NRXN3: variants seen among roughly 807,000 people sequenced by gnomAD.
The protein encoded by NRXN3 is neurexin III.
Under a neutral mutation model 137.6 loss-of-function variants are expected in NRXN3, and 32 were observed. That is an observed-to-expected ratio of 0.23 (90% confidence interval 0.18 to 0.31). The LOEUF is 0.31. Ranked by LOEUF, NRXN3 falls within the 10% of genes least tolerant of loss-of-function variation. NRXN3 has a pLI of 1.00. For synonymous variants in NRXN3, 798 were observed against 784.5 expected (o/e 1.02, Z -0.29); for missense variants, 1,574 against 2,062.5 (o/e 0.76, Z 4.59).
At chr14:79,327,394 C>A (rs1198216712) in intron 15 of NRXN3, among the ~76,000 whole-genome samples, 2 of 152,170 alleles carry the variant, frequency 1.3e-5, no homozygotes, top group Non-Finnish European at 2.9e-5. Context: ...GACACCCTAG[C>A]TCCCTTTTAA....
chr14:78,488,635 G>C (rs1472641091), intron 4 of NRXN3, among the ~76,000 whole-genome samples: 1 of 152,002 alleles, frequency 6.6e-6, no homozygotes, highest in East Asian at 1.9e-4. Flanking sequence ...AAAGAATCAA[G>C]TGTTGAGGGA....
At chr14:79,680,781 T>A (rs2098666283) in intron 17 of NRXN3, among the ~76,000 whole-genome samples, 1 of 152,166 alleles carries the variant, frequency 6.6e-6, no homozygotes, top group Non-Finnish European at 1.5e-5. Context: ...CCAGCAAGTC[T>A]TACTAGTAAA....
intron 8 of NRXN3, among the ~76,000 whole-genome samples, chr14:78,763,473 T>C (rs2098699343): frequency 6.6e-6 from 1 of 151,424 alleles, no homozygotes; most frequent in South Asian, 2.1e-4. Flanking sequence ...ATACTATATA[T>C]AATTATAAAT....
At chr14:79,573,373 G>T (rs574827037) in intron 16 of NRXN3, among the ~76,000 whole-genome samples, 1 of 152,250 alleles carries the variant, frequency 6.6e-6, no homozygotes, top group East Asian at 1.9e-4. Flanking sequence ...GGGAGAGTAC[G>T]CAGCTCTTCT....
At chr14:78,604,340 C>T (rs1332078890) in intron 4 of NRXN3, among the ~76,000 whole-genome samples, 1 of 150,550 alleles carries the variant, frequency 6.6e-6, no homozygotes, top group African/African-American at 2.5e-5. Context: ...CGTTTATTCA[C>T]TCACTTATTT....
At chr14:79,432,203 A>C (rs1476810217) in intron 15 of NRXN3, among the ~76,000 whole-genome samples, 2 of 152,134 alleles carry the variant, frequency 1.3e-5, no homozygotes. Context: ...GGATTATGAC[A>C]TCCTAAAATT....
At position 78,714,750 on chromosome 14, in the gene NRXN3, C is replaced by A; in HGVS notation, c.1661-6C>A. The A allele has an allele frequency of 1.2e-6, 2 of 1,610,790 alleles. No individual in the cohort carries two copies. The highest frequency in any genetic ancestry group is 2.2e-5 in the East Asian group (1 of 44,770). On this transcript the variant is annotated splice_polypyrimidine_tract_variant and splice_region_variant and intron_variant, in intron 7 of 20. Transcript: ENST00000335750. ...GACTCACCTGAGATCTGTCTTCCCA[C>A]CCCAGGTACTATATCAGTGAACAGC...
At chr14:78,650,743 C>T (rs2097733753) in intron 5 of NRXN3, among the ~76,000 whole-genome samples, 1 of 151,660 alleles carries the variant, frequency 6.6e-6, no homozygotes, top group Non-Finnish European at 1.5e-5. Context: ...AAAGACCAAC[C>T]CCTAACAAAT....
chr14:79,051,153 C>G (rs568106276), intron 15 of NRXN3, among the ~76,000 whole-genome samples: 2 of 152,044 alleles, frequency 1.3e-5, no homozygotes, highest in Non-Finnish European at 2.9e-5. Flanking sequence ...GTTCTAGCAG[C>G]CACACAGTAA....
Position 78,242,734 on chromosome 14 carries a change from C to G in NRXN3, c.-360C>G, listed in dbSNP as rs975453548. On this transcript the variant is annotated 5_prime_UTR_variant, in exon 2 of 21. Coordinates refer to ENST00000335750, the MANE Select transcript of NRXN3 (RefSeq NM_001330195.2). ...TTCCTACTCTCCTGCACCTTCTCCT[C>G]CTTGAGTCAAGGCCTCCGGATCCAC... 1 of 230,076 alleles carries G rather than the reference C, an allele frequency of 4.3e-6. No homozygotes were observed. Among genetic ancestry groups the G allele is most frequent in the African/African-American group, 2.3e-5 (1 of 44,014 alleles). The allele number at this position is 230,076 out of a possible 1,614,324, so 14.3% of individuals were successfully genotyped here. A position where few individuals can be genotyped will look rare whatever the true frequency, so the allele number is the denominator to read the frequency against.
intron 4 of NRXN3, among the ~76,000 whole-genome samples, chr14:78,317,131 C>A (rs1467665834): frequency 6.6e-6 from 1 of 152,170 alleles, no homozygotes; most frequent in Non-Finnish European, 1.5e-5. Flanking sequence ...TGGTGTCAAT[C>A]CCAGTCTGAG....
At chr14:79,567,541 C>T (rs554393130) in intron 16 of NRXN3, among the ~76,000 whole-genome samples, 4 of 152,120 alleles carry the variant, frequency 2.6e-5, no homozygotes, top group South Asian at 2.1e-4. Context: ...TTAATTCCCA[C>T]GGCCCTTGCT....
At chr14:79,297,560 G>A (rs2084393788) in intron 15 of NRXN3, among the ~76,000 whole-genome samples, 1 of 152,014 alleles carries the variant, frequency 6.6e-6, no homozygotes, top group Non-Finnish European at 1.5e-5. Context: ...ATGTTGGATG[G>A]ATAAATAAAA....
At chr14:79,146,098 A>C (rs989820245) in intron 15 of NRXN3, among the ~76,000 whole-genome samples, 1 of 152,170 alleles carries the variant, frequency 6.6e-6, no homozygotes, top group Non-Finnish European at 1.5e-5. Context: ...ATTATTTTAC[A>C]AGCATTATTG....
chr14:79,820,859 A>G (rs890734632), intron 20 of NRXN3, among the ~76,000 whole-genome samples: 6 of 152,160 alleles, frequency 3.9e-5, no homozygotes, highest in African/African-American at 1.4e-4. Context: ...GCTAAATCTT[A>G]ATGTATCCCA....
chr14:79,355,022 T>C (rs2093366444), intron 15 of NRXN3, among the ~76,000 whole-genome samples: 1 of 152,176 alleles, frequency 6.6e-6, no homozygotes, highest in Admixed American at 6.5e-5. Flanking sequence ...AGATGCATAT[T>C]TTTTGGATGG....
intron 15 of NRXN3, among the ~76,000 whole-genome samples, chr14:79,270,323 G>A (rs954288963): frequency 1.3e-5 from 2 of 152,150 alleles, no homozygotes; most frequent in East Asian, 1.9e-4. Context: ...ATACACAGAA[G>A]AAATGTTCTC....
At chr14:78,563,944 G>A (rs1435367335) in intron 4 of NRXN3, among the ~76,000 whole-genome samples, 4 of 152,156 alleles carry the variant, frequency 2.6e-5, no homozygotes, top group African/African-American at 9.7e-5. Context: ...TTGGCTTTGA[G>A]GCAGCAACAG....
intron 4 of NRXN3, among the ~76,000 whole-genome samples, chr14:78,622,692 G>A (rs1389461232): frequency 1.3e-5 from 2 of 152,220 alleles, no homozygotes; most frequent in South Asian, 2.1e-4. Flanking sequence ...GATTGGGCAC[G>A]CAGTAGGAGA....
Sources: gnomAD v4.1 joint callset for allele counts (sites outside exome capture counted in the v4.1 genomes callset) on GRCh38, gnomAD v4.1.1 for gene constraint, MANE v1.5 for transcripts, NCBI Gene and HGNC (gene_info 2026-07-23, HGNC 2026-07-21) for gene names.